Variants in VCF1 observed in about 807,000 individuals in gnomAD.
VCF1 encodes the protein protein VCF1.
At chr17:73,212,916 T>C in the VCF1 span, among the ~76,000 whole-genome samples, 1 of 152,190 alleles carries the variant, frequency 6.6e-6, no homozygotes, top group Admixed American at 6.5e-5. Context: ...TTTTTATTTT[T>C]TTTAGGGTTA....
the VCF1 span, chr17:73,227,298 AC>A: frequency 2.8e-6 from 4 of 1,453,594 alleles, no homozygotes; most frequent in Non-Finnish European, 3.7e-6. Flanking sequence ...AAAAAAAAAA[AC>A]CCAAACAACC....
chr17:73,222,758 CAG>C, the VCF1 span, among the ~76,000 whole-genome samples: 11 of 142,210 alleles, frequency 7.7e-5, no homozygotes, highest in African/African-American at 2.4e-4. Context: ...GCCTAGGTGA[CAG>C]AGCGAAACTC....
At chr17:73,209,302 C>G in the VCF1 span, 1 of 600,558 alleles carries the variant, frequency 1.7e-6, no homozygotes, top group Non-Finnish European at 2.9e-6. Context: ...TTGATACCCT[C>G]CCTCAAAAGA....
the VCF1 span, among the ~76,000 whole-genome samples, chr17:73,226,973 T>C: frequency 2.0e-5 from 3 of 152,202 alleles, no homozygotes; most frequent in African/African-American, 4.8e-5. Context: ...TGTGCACATA[T>C]GTACTGTTTT....
the VCF1 span, among the ~76,000 whole-genome samples, chr17:73,218,452 G>C: frequency 4.7e-5 from 7 of 150,196 alleles, no homozygotes; most frequent in South Asian, 1.5e-3. Flanking sequence ...AGTTCCTTCT[G>C]AATGGAAATA....
the VCF1 span, among the ~76,000 whole-genome samples, chr17:73,213,114 T>A: frequency 6.6e-6 from 1 of 151,874 alleles, no homozygotes. Flanking sequence ...CGTGGTGGTG[T>A]GTGCCTGTAG....
chr17:73,227,127 G>A, the VCF1 span: 199 of 1,383,778 alleles, frequency 1.4e-4, 1 homozygote, highest in African/African-American at 2.6e-3. Flanking sequence ...TTTAACTCAA[G>A]CAGTGAAAAC....
chr17:73,215,131 A>G, the VCF1 span, among the ~76,000 whole-genome samples: 1 of 152,192 alleles, frequency 6.6e-6, no homozygotes, highest in Admixed American at 6.5e-5. Context: ...AACAATATAC[A>G]AAGAGTCCTG....
the VCF1 span, among the ~76,000 whole-genome samples, chr17:73,224,788 T>C: frequency 2.6e-5 from 4 of 152,212 alleles, no homozygotes; most frequent in South Asian, 2.1e-4. Context: ...CTTGTCCTTG[T>C]TACTTGTTAA....
chr17:73,210,729 C>T, the VCF1 span, among the ~76,000 whole-genome samples: 1 of 150,850 alleles, frequency 6.6e-6, no homozygotes, highest in Non-Finnish European at 1.5e-5. Flanking sequence ...GCAGCTGGTA[C>T]TACAAGCGTA....
the VCF1 span, among the ~76,000 whole-genome samples, chr17:73,218,538 T>C: frequency 8.8e-4 from 134 of 152,302 alleles, 2 homozygotes; most frequent in Middle Eastern, 3.4e-3. Context: ...TAGAAAAAGA[T>C]GTGTATGTGT....
chr17:73,227,321 C>T, the VCF1 span: 5 of 1,378,992 alleles, frequency 3.6e-6, no homozygotes, highest in Non-Finnish European at 4.9e-6. Flanking sequence ...ATGTTTTGGA[C>T]ACTTGAATTG....
chr17:73,232,020 C>T, the VCF1 span: 1 of 1,473,738 alleles, frequency 6.8e-7, no homozygotes, highest in South Asian at 1.3e-5. Flanking sequence ...CCATTTCGCG[C>T]GCCCCCTCGG....
the VCF1 span, among the ~76,000 whole-genome samples, chr17:73,221,891 G>C: frequency 6.6e-6 from 1 of 152,032 alleles, no homozygotes; most frequent in Non-Finnish European, 1.5e-5. Context: ...AAAATTAGCT[G>C]GGCGTGGTGG....
chr17:73,224,206 C>G, the VCF1 span, among the ~76,000 whole-genome samples: 1 of 127,722 alleles, frequency 7.8e-6, no homozygotes, highest in African/African-American at 3.0e-5. Flanking sequence ...GTGGGAGGAT[C>G]GCTTGAGCCC....
At chr17:73,208,446 A>C in the VCF1 span, 1 of 1,614,114 alleles carries the variant, frequency 6.2e-7, no homozygotes, top group Non-Finnish European at 8.5e-7. Context: ...TAGTATGACT[A>C]AGTAACATGG....
At chr17:73,209,231 G>A in the VCF1 span, 1 of 468,302 alleles carries the variant, frequency 2.1e-6, no homozygotes, top group Non-Finnish European at 3.8e-6. Context: ...GTCTGAATGG[G>A]ACATACTATG....
At chr17:73,219,878 G>A in the VCF1 span, among the ~76,000 whole-genome samples, 2 of 151,862 alleles carry the variant, frequency 1.3e-5, no homozygotes, top group African/African-American at 4.8e-5. Context: ...AGGAGGCTGA[G>A]GTGGGAGGAT....
the VCF1 span, among the ~76,000 whole-genome samples, chr17:73,221,927 G>T: frequency 1.3e-5 from 2 of 151,392 alleles, no homozygotes; most frequent in Non-Finnish European, 2.9e-5. Flanking sequence ...CCAGCTACTC[G>T]GGAGGCTGAG....
Sources: gnomAD v4.1 joint callset for allele counts (sites outside exome capture counted in the v4.1 genomes callset) on GRCh38, gnomAD v4.1.1 for gene constraint, MANE v1.5 for transcripts, NCBI Gene and HGNC (gene_info 2026-07-23, HGNC 2026-07-21) for gene names.